The following GPM6A variants were observed in gnomAD, a reference collection of about 807,000 sequenced individuals.
GPM6A encodes the protein neuronal membrane glycoprotein M6-a.
In GPM6A, 7 loss-of-function variants were observed where a neutral mutation model predicts 32.1. The observed-to-expected ratio is 0.22, with a 90% CI of 0.12 to 0.41. The LOEUF (loss-of-function observed/expected upper bound fraction) is 0.41, where lower values mean the gene tolerates loss of function less well. Ranked by LOEUF, GPM6A falls within the 10% of genes least tolerant of loss-of-function variation. The pLI, the probability that GPM6A is intolerant of heterozygous loss-of-function variation, is 1.00. For synonymous variants in GPM6A, 130 were observed against 123.4 expected (o/e 1.05, Z -0.35); for missense variants, 235 against 347.2 (o/e 0.68, Z 2.57).
intron 1 of GPM6A, among the ~76,000 whole-genome samples, chr4:175,869,266 T>C (rs1348354697): frequency 1.3e-5 from 2 of 152,204 alleles, no homozygotes; most frequent in Non-Finnish European, 1.5e-5. Flanking sequence ...ATACAGATTA[T>C]ATGAAATAAA....
At chr4:175,803,276 C>T (rs1042906043) in intron 1 of GPM6A, among the ~76,000 whole-genome samples, 1 of 152,038 alleles carries the variant, frequency 6.6e-6, no homozygotes, top group Admixed American at 6.6e-5. Context: ...AAACTTTACC[C>T]TTCAGGAATT....
chr4:175,865,686 T>G (rs2111428937), intron 1 of GPM6A, among the ~76,000 whole-genome samples: 1 of 152,320 alleles, frequency 6.6e-6, no homozygotes, highest in South Asian at 2.1e-4. Context: ...TTTGTGATGC[T>G]ATTACAATTG....
At chr4:175,981,329 G>A (rs1165574797) in intron 1 of GPM6A, among the ~76,000 whole-genome samples, 2 of 152,138 alleles carry the variant, frequency 1.3e-5, no homozygotes, top group African/African-American at 4.8e-5. Context: ...CTTGGAAAAT[G>A]TATGCAGTCA....
At chr4:175,707,263 C>T (rs984481418) in intron 1 of GPM6A, among the ~76,000 whole-genome samples, 2 of 152,184 alleles carry the variant, frequency 1.3e-5, no homozygotes, top group Non-Finnish European at 2.9e-5. Flanking sequence ...TCCAAGAACC[C>T]TCTCTTGGGG....
chr4:175,812,911 G>A, upstream of GPM6A: 1 of 984,444 alleles, frequency 1.0e-6, no homozygotes, highest in Non-Finnish European at 1.2e-6. Context: ...TACCATCTCA[G>A]GGTTTATCTG....
intron 1 of GPM6A, among the ~76,000 whole-genome samples, chr4:175,740,327 G>A (rs748798636): frequency 1.5e-3 from 235 of 151,998 alleles, no homozygotes; most frequent in Non-Finnish European, 2.4e-3. Flanking sequence ...TGATATTTTG[G>A]ATGATAACTT....
intron 1 of GPM6A, among the ~76,000 whole-genome samples, chr4:175,738,311 C>A (rs1312027241): frequency 6.6e-6 from 1 of 152,138 alleles, no homozygotes; most frequent in East Asian, 1.9e-4. Flanking sequence ...ACCATGTCAG[C>A]CACCCAACAT....
At chr4:175,947,194 A>C (rs1219204837) in intron 1 of GPM6A, among the ~76,000 whole-genome samples, 6 of 152,156 alleles carry the variant, frequency 3.9e-5, no homozygotes, top group Non-Finnish European at 8.8e-5. Context: ...CTTTAAAAAA[A>C]AAAAAACACT....
intron 3 of GPM6A, among the ~76,000 whole-genome samples, chr4:175,667,971 A>G (rs376139840): frequency 7.9e-5 from 12 of 152,284 alleles, no homozygotes; most frequent in Middle Eastern, 3.4e-3. Context: ...AGAAGCATCC[A>G]CATGTTGCAA....
chr4:175,858,465 G>T (rs1165127213), intron 1 of GPM6A, among the ~76,000 whole-genome samples: 1 of 151,718 alleles, frequency 6.6e-6, no homozygotes, highest in African/African-American at 2.4e-5. Context: ...CCAGGAGGAG[G>T]AGGTTGCAGT....
chr4:175,666,349 A>G (rs1300026804), intron 3 of GPM6A, among the ~76,000 whole-genome samples: 1 of 152,222 alleles, frequency 6.6e-6, no homozygotes, highest in Non-Finnish European at 1.5e-5. Context: ...AATATAAACT[A>G]TAGTAGTGGT....
At chr4:175,635,134 C>T in intron 6 of GPM6A, 77 bp from the exon 7 acceptor site, 2 of 1,091,244 alleles carry the variant, frequency 1.8e-6, no homozygotes, top group Non-Finnish European at 2.7e-6. Context: ...CGAAAGAAGT[C>T]TTCGAATTAT....
chr4:175,672,283 G>T (rs116038920), intron 3 of GPM6A, among the ~76,000 whole-genome samples: 59 of 152,290 alleles, frequency 3.9e-4, no homozygotes, highest in Non-Finnish European at 7.2e-4. Context: ...TAGAATCACA[G>T]ACTCGTTGAG....
intron 1 of GPM6A, among the ~76,000 whole-genome samples, chr4:175,720,142 T>C (rs910314582): frequency 3.3e-5 from 5 of 152,240 alleles, no homozygotes; most frequent in Non-Finnish European, 5.9e-5. Flanking sequence ...CATATGACTT[T>C]TAGACGGTAG....
intron 1 of GPM6A, among the ~76,000 whole-genome samples, chr4:175,712,615 C>G (rs1745615914): frequency 6.6e-6 from 1 of 152,168 alleles, no homozygotes; most frequent in Non-Finnish European, 1.5e-5. Context: ...TTCTCTTATC[C>G]TAACACTGAG....
At chr4:175,704,383 G>A (rs1467138214) in intron 1 of GPM6A, among the ~76,000 whole-genome samples, 2 of 151,866 alleles carry the variant, frequency 1.3e-5, no homozygotes. Flanking sequence ...CACAATGTGG[G>A]GAAGTAGAAA....
At chr4:175,974,837 C>T (rs1740612563) in intron 1 of GPM6A, among the ~76,000 whole-genome samples, 1 of 152,150 alleles carries the variant, frequency 6.6e-6, no homozygotes, top group African/African-American at 2.4e-5. Flanking sequence ...CACATGCCAC[C>T]ATGCCCAGCT....
intron 1 of GPM6A, among the ~76,000 whole-genome samples, chr4:175,977,832 C>A (rs921095643): frequency 1.3e-5 from 2 of 152,108 alleles, no homozygotes. Flanking sequence ...AGTTTATAAT[C>A]AAATGGCAGA....
At chr4:175,933,957 G>T (rs1362838844) in intron 1 of GPM6A, among the ~76,000 whole-genome samples, 2 of 152,156 alleles carry the variant, frequency 1.3e-5, no homozygotes, top group African/African-American at 2.4e-5. Context: ...TCTTTTAAAA[G>T]AAATGGGCTA....
Sources: allele counts gnomAD v4.1 joint callset (sites outside exome capture counted in the v4.1 genomes callset), GRCh38; gene constraint gnomAD v4.1.1; transcripts MANE v1.5; gene names NCBI Gene and HGNC (gene_info 2026-07-23, HGNC 2026-07-21).